HDAC9: variants seen among roughly 807,000 people sequenced by gnomAD.
HDAC9 encodes the protein MEF-2 interacting transcription repressor (MITR) protein.
Under a neutral mutation model 139.4 loss-of-function variants are expected in HDAC9, and 41 were observed. The observed-to-expected ratio is 0.29, with a 90% CI of 0.23 to 0.38. The LOEUF (loss-of-function observed/expected upper bound fraction) is 0.38. Ranked by LOEUF, HDAC9 falls within the 10% of genes least tolerant of loss-of-function variation. The pLI is 1.00. For missense variants in HDAC9, 1,147 were observed against 1,297.0 expected (o/e 0.88, Z 1.78); for synonymous variants, 517 against 476.2 (o/e 1.09, Z -1.12).
At chr7:18,981,146 G>C (rs1784923977) in intron 25 of HDAC9, among the ~76,000 whole-genome samples, 1 of 151,864 alleles carries the variant, frequency 6.6e-6, no homozygotes, top group Non-Finnish European at 1.5e-5. Context: ...TAATATATTG[G>C]CCATCATTCA....
intron 7 of HDAC9, among the ~76,000 whole-genome samples, chr7:18,632,264 G>T (rs983250000): frequency 1.2e-4 from 18 of 152,006 alleles, no homozygotes; most frequent in African/African-American, 4.3e-4. Flanking sequence ...TGAGCAAAAT[G>T]TGTTTAAGTA....
chr7:18,366,154 G>A (rs1231108814), intron 1 of HDAC9, among the ~76,000 whole-genome samples: 1 of 152,156 alleles, frequency 6.6e-6, no homozygotes, highest in South Asian at 2.1e-4. Context: ...GTTGCTTTAT[G>A]TATTATATAG....
At chr7:18,221,500 T>A (rs577423867) in intron 2 of HDAC9, among the ~76,000 whole-genome samples, 27 of 152,308 alleles carry the variant, frequency 1.8e-4, no homozygotes, top group South Asian at 6.2e-4. Context: ...TGCATGTTAG[T>A]CTCAGCATCC....
chr7:18,691,654 T>G (rs971502434), intron 12 of HDAC9, among the ~76,000 whole-genome samples: 6 of 152,100 alleles, frequency 3.9e-5, no homozygotes, highest in African/African-American at 1.4e-4. Flanking sequence ...TATCTTTGAT[T>G]AATTTTAACA....
intron 1 of HDAC9, among the ~76,000 whole-genome samples, chr7:18,489,381 G>A (rs921866256): frequency 6.6e-6 from 1 of 151,928 alleles, no homozygotes; most frequent in Admixed American, 6.6e-5. Context: ...TCCATAGGAG[G>A]ATATTTTTAA....
intron 16 of HDAC9, among the ~76,000 whole-genome samples, chr7:18,792,146 G>A (rs1397937943): frequency 2.6e-5 from 4 of 151,732 alleles, no homozygotes; most frequent in Admixed American, 2.6e-4. Flanking sequence ...AGAACCTCAT[G>A]AGAAAAAGGC....
intron 16 of HDAC9, among the ~76,000 whole-genome samples, chr7:18,767,456 C>A (rs1490828475): frequency 2.0e-5 from 3 of 152,130 alleles, no homozygotes; most frequent in Non-Finnish European, 4.4e-5. Context: ...CTTTGCTAGG[C>A]CTTTATATAG....
intron 12 of HDAC9, among the ~76,000 whole-genome samples, chr7:18,726,029 A>G (rs1785519729): frequency 6.6e-6 from 1 of 152,252 alleles, no homozygotes; most frequent in African/African-American, 2.4e-5. Flanking sequence ...CACATTAGTT[A>G]TAACCTATTT....
chr7:18,829,770 G>C (rs1212672363), intron 19 of HDAC9, among the ~76,000 whole-genome samples: 1 of 152,196 alleles, frequency 6.6e-6, no homozygotes, highest in Non-Finnish European at 1.5e-5. Context: ...TGAGAAGAAG[G>C]CGCAGATCAG....
At chr7:18,789,957 C>A (rs1232413933) in intron 16 of HDAC9, among the ~76,000 whole-genome samples, 2 of 152,030 alleles carry the variant, frequency 1.3e-5, no homozygotes, top group Non-Finnish European at 2.9e-5. Context: ...GATTGACAAC[C>A]AATGAGAGGG....
chr7:18,964,576 A>G (rs953148251), intron 24 of HDAC9, among the ~76,000 whole-genome samples: 12 of 152,214 alleles, frequency 7.9e-5, no homozygotes, highest in African/African-American at 2.7e-4. Context: ...GTTTTAAACA[A>G]CTGCCCAACA....
At chr7:18,230,521 A>G (rs1278485256) in intron 2 of HDAC9, among the ~76,000 whole-genome samples, 1 of 152,218 alleles carries the variant, frequency 6.6e-6, no homozygotes, top group African/African-American at 2.4e-5. Flanking sequence ...AATAGCATTT[A>G]TCACCCGAAA....
intron 2 of HDAC9, among the ~76,000 whole-genome samples, chr7:18,276,675 C>A (rs1796745892): frequency 6.6e-6 from 1 of 152,074 alleles, no homozygotes; most frequent in African/African-American, 2.4e-5. Flanking sequence ...TTTTTTACTT[C>A]CATAGACAGT....
At chr7:18,923,206 A>G (rs561469425) in intron 22 of HDAC9, among the ~76,000 whole-genome samples, 1 of 152,172 alleles carries the variant, frequency 6.6e-6, no homozygotes, top group African/African-American at 2.4e-5. Flanking sequence ...TATCTTATAC[A>G]TCTATCCGTT....
At chr7:18,499,152 T>C (rs1797719270) in intron 2 of HDAC9, among the ~76,000 whole-genome samples, 1 of 152,028 alleles carries the variant, frequency 6.6e-6, no homozygotes, top group East Asian at 1.9e-4. Flanking sequence ...TTGCACAGTA[T>C]GTGATTGAAC....
At chr7:18,950,804 T>C (rs1782739966) in intron 23 of HDAC9, among the ~76,000 whole-genome samples, 1 of 151,838 alleles carries the variant, frequency 6.6e-6, no homozygotes, top group African/African-American at 2.4e-5. Context: ...AAAAATAGAA[T>C]TCAGAGGAAA....
chr7:18,304,868 G>C (rs1798806905), intron 1 of HDAC9, among the ~76,000 whole-genome samples: 1 of 152,114 alleles, frequency 6.6e-6, no homozygotes, highest in South Asian at 2.1e-4. Context: ...GTATGAAAAT[G>C]ATCCATGCTG....
intron 12 of HDAC9, among the ~76,000 whole-genome samples, chr7:18,726,442 A>G (rs1199003270): frequency 1.3e-5 from 2 of 152,210 alleles, no homozygotes; most frequent in Admixed American, 6.5e-5. Flanking sequence ...CTAGTCAGAT[A>G]GGAAGCAGAA....
At chr7:18,211,710 C>A (rs561539659) in intron 2 of HDAC9, among the ~76,000 whole-genome samples, 2 of 152,284 alleles carry the variant, frequency 1.3e-5, no homozygotes, top group Non-Finnish European at 2.9e-5. Flanking sequence ...GAGTGCTGGT[C>A]ATTTCCCTAA....
Sources: gnomAD v4.1 joint callset for allele counts (sites outside exome capture counted in the v4.1 genomes callset) on GRCh38, gnomAD v4.1.1 for gene constraint, MANE v1.5 for transcripts, NCBI Gene and HGNC (gene_info 2026-07-23, HGNC 2026-07-21) for gene names.